Variants in PIEZO2 observed in about 807,000 individuals in gnomAD.
The protein encoded by PIEZO2 is piezo-type mechanosensitive ion channel component 2.
A neutral mutation model predicts 337.3 loss-of-function variants in PIEZO2; 172 were observed. The ratio of observed to expected loss-of-function variants is 0.51; its 90% CI spans 0.45 to 0.58. The LOEUF (loss-of-function observed/expected upper bound fraction) is 0.58. Among genes scored for constraint, PIEZO2 ranks in the 20% least tolerant of loss-of-function variants. PIEZO2 has a pLI of 0.00. For missense variants in PIEZO2, 3,028 were observed against 3,391.3 expected (o/e 0.89, Z 2.66); for synonymous variants, 1,251 against 1,228.5 (o/e 1.02, Z -0.38).
chr18:10,770,950 T>C (rs550249081), intron 20 of PIEZO2, among the ~76,000 whole-genome samples: 5 of 152,220 alleles, frequency 3.3e-5, no homozygotes, highest in Middle Eastern at 3.4e-3. Flanking sequence ...AGGCTGGTCT[T>C]GAACTCTTGG....
Position 11,092,177 on chromosome 18 carries a change from C to A in PIEZO2, c.65-25955G>T, listed in dbSNP as rs151236333. On this transcript the variant is annotated intron_variant, in intron 1 of 55. Coordinates refer to ENST00000674853, the MANE Select transcript of PIEZO2 (RefSeq NM_001378183.1). This position sits in a 1 kb window ranked among gnomAD's most constrained non-coding sequence, Gnocchi z 4.5. ...AGATTAATGGAGCATAATTCTCGTC[C>A]AAGATCGAGAACACATCATTAGAAG... Among the ~76,000 whole-genome samples the A allele has an allele frequency of 6.6e-6, 1 of 152,096 alleles. No homozygotes were observed. The highest frequency in any genetic ancestry group is 2.1e-4 in the South Asian group (1 of 4,814).
At position 10,800,467 on chromosome 18, in the gene PIEZO2, C is replaced by T. The variant is rs1222913932; in HGVS notation, c.1248G>A (p.Leu416=). 3 of 1,530,036 alleles carry T rather than the reference C, an allele frequency of 2.0e-6. No homozygotes were observed. The highest frequency in any genetic ancestry group is 2.6e-6 in the Non-Finnish European group (3 of 1,143,952). 94.8% of individuals were successfully genotyped at this position (1,530,036 alleles called of 1,614,324 possible). A position where few individuals can be genotyped will look rare whatever the true frequency, so the allele number is the denominator to read the frequency against. The change falls in exon 11 of 56, where the codon CTG becomes CTA. Residue 416 remains leucine (L), a synonymous_variant. Coordinates refer to ENST00000674853, the MANE Select transcript of PIEZO2 (RefSeq NM_001378183.1). ...QDDYKPSDGL[L]VTVNGNPVDY... ...CCACGGGGTTGCCGTTCACAGTCACCAGCAGGCCCTGCCGGGAGTGCAGAG... is the reference window on the plus strand; with the variant it reads ...CCACGGGGTTGCCGTTCACAGTCACTAGCAGGCCCTGCCGGGAGTGCAGAG...
At chr18:10,882,258 C>T (rs2042441546) in intron 4 of PIEZO2, among the ~76,000 whole-genome samples, 1 of 152,092 alleles carries the variant, frequency 6.6e-6, no homozygotes, top group Non-Finnish European at 1.5e-5. Flanking sequence ...CCTGAAATCC[C>T]CTCAGAAATA....
Position 10,746,625 on chromosome 18 carries a change from C to T in PIEZO2, c.4424+1846G>A, listed in dbSNP as rs187223985. ...GTGGAAATCCTGACTCCCAAGGTGA[C>T]GGACAGGAGGTAAGGCCTTTTGGAG... is the stretch of plus-strand genomic sequence containing the variant. On this transcript the variant is annotated intron_variant, in intron 30 of 55. Transcript: ENST00000674853. The surrounding 1 kb of genome is among the most constrained non-coding windows in gnomAD (Gnocchi z 4.2). Among the ~76,000 whole-genome samples, 5 of 152,148 alleles carry T rather than the reference C, an allele frequency of 3.3e-5. No homozygotes were observed. Among genetic ancestry groups the T allele is most frequent in the East Asian group, 1.9e-4 (1 of 5,192 alleles).
intron 5 of PIEZO2, among the ~76,000 whole-genome samples, chr18:10,860,267 C>T (rs188999531): frequency 1.6e-4 from 24 of 152,288 alleles, no homozygotes; most frequent in Admixed American, 1.6e-3. Flanking sequence ...CCTCGAGGTG[C>T]TGCTGCCCCT....
rs9960693 is a variant in PIEZO2 at position 11,115,648 on chromosome 18, T to C, written c.64+32877A>G. On this transcript the variant is annotated intron_variant, in intron 1 of 55. Coordinates refer to ENST00000674853, the MANE Select transcript of PIEZO2 (RefSeq NM_001378183.1). Reference sequence around the variant, plus strand: ...AAAACATTTATGAATATGGAGAACATATGTAACCTTCAGAGTCCAAAATAC... The same window carrying C: ...AAAACATTTATGAATATGGAGAACACATGTAACCTTCAGAGTCCAAAATAC... 7.1e-3 allele frequency among the ~76,000 whole-genome samples: 1,084 copies of C among 152,310 alleles called. 13 individuals carry two copies. The highest frequency in any genetic ancestry group is 0.024 in the African/African-American group (1,010 of 41,570).
Position 10,847,794 on chromosome 18 carries a change from C to A in PIEZO2, c.917+7559G>T, listed in dbSNP as rs2041412559. Among the ~76,000 whole-genome samples, 1 of 152,122 alleles carries A rather than the reference C, an allele frequency of 6.6e-6. No individual in the cohort carries two copies. Among genetic ancestry groups the A allele is most frequent in the African/African-American group, 2.4e-5 (1 of 41,418 alleles). On this transcript the variant is annotated intron_variant, in intron 7 of 55. Coordinates refer to ENST00000674853, the MANE Select transcript of PIEZO2 (RefSeq NM_001378183.1). This position sits in a 1 kb window ranked among gnomAD's most constrained non-coding sequence, Gnocchi z 5.7. ...CATTAAGCATCTTTTCAAAATGAAA[C>A]CTACACTTGTTTATCATGTATCATC...
At chr18:11,040,163 G>T in intron 2 of PIEZO2, among the ~76,000 whole-genome samples, 1 of 150,476 alleles carries the variant, frequency 6.6e-6, no homozygotes, top group Admixed American at 6.6e-5. Flanking sequence ...AGAATTTTCA[G>T]TAGTTGCTCT....
rs1478359941 is a variant in PIEZO2, at chr18:10,707,718, G to A, written c.5588+557C>T. ...AATAAAAGTTATAGGCTACAAAGAT[G>A]ATGCATTCTGCTGCATAATATTCTT... is the stretch of plus-strand genomic sequence containing the variant. On this transcript the variant is annotated intron_variant, in intron 40 of 55. Transcript: ENST00000674853. This position sits in a 1 kb window ranked among gnomAD's most constrained non-coding sequence, Gnocchi z 4.2. 6.6e-6 allele frequency among the ~76,000 whole-genome samples: 1 copy of A among 152,230 alleles called. No individual in the cohort carries two copies. Among genetic ancestry groups the A allele is most frequent in the African/African-American group, 2.4e-5 (1 of 41,456 alleles).
chr18:10,742,659 T>G, intron 31 of PIEZO2, 44 bp from the exon 32 acceptor site: 1 of 1,532,678 alleles, frequency 6.5e-7, no homozygotes, highest in Non-Finnish European at 8.7e-7. Flanking sequence ...ACATATTCAT[T>G]GTTCTCATGT....
chr18:10,778,402 G>A (rs973306907), intron 18 of PIEZO2, among the ~76,000 whole-genome samples: 5 of 140,838 alleles, frequency 3.6e-5, no homozygotes, highest in East Asian at 4.3e-4. Context: ...GCACCATCCC[G>A]GCTCACTGCA....
rs979666750 is a variant in PIEZO2, at chr18:11,032,774, C to T, written c.160+33353G>A. Among the ~76,000 whole-genome samples, 15 of 152,322 alleles carry T rather than the reference C, an allele frequency of 9.8e-5. 1 individual carries two copies. The East Asian group carries it at 2.3e-3, about 23-fold the overall frequency. ...TTTTCTAGACAAAGGACATGTTTCC[C>T]AACAACTGCCCTTAAAAGCTTTTGA... On this transcript the variant is annotated intron_variant, in intron 2 of 55. Coordinates refer to ENST00000674853, the MANE Select transcript of PIEZO2 (RefSeq NM_001378183.1). The surrounding 1 kb of genome is among the most constrained non-coding windows in gnomAD (Gnocchi z 4.9).
chr18:10,699,719 A>G (rs548344437), intron 43 of PIEZO2, among the ~76,000 whole-genome samples: 7 of 151,922 alleles, frequency 4.6e-5, no homozygotes, highest in African/African-American at 1.7e-4. Flanking sequence ...AGATAATAAG[A>G]TTTTAGCTGA....
At chr18:10,745,097 G>C (rs2037371222) in intron 30 of PIEZO2, among the ~76,000 whole-genome samples, 2 of 151,916 alleles carry the variant, frequency 1.3e-5, no homozygotes, top group South Asian at 4.2e-4. Flanking sequence ...TTCCCAGAGG[G>C]AACACAAATC....
At position 10,773,481 on chromosome 18, in the gene PIEZO2, T is replaced by C; in HGVS notation, c.2716A>G (p.Lys906Glu). 2.0e-6 allele frequency: 3 copies of C among 1,537,448 alleles called. No individual in the cohort carries two copies. Among genetic ancestry groups the C allele is most frequent in the Non-Finnish European group, 2.6e-6 (3 of 1,146,958 alleles). The change falls in exon 20 of 56, where the codon AAA becomes GAA. Residue 906 changes from lysine (K) to glutamate (E), a missense_variant. Around this residue, in one of 5 missense-constraint regions of PIEZO2, gnomAD observed 1,925 missense variants for 2,051.9 expected, o/e 0.94. Coordinates refer to ENST00000674853, the MANE Select transcript of PIEZO2 (RefSeq NM_001378183.1). The surrounding 1 kb of genome is among the most constrained non-coding windows in gnomAD (Gnocchi z 5.3). ...SEKAQKGDLG[K>E]DSEESEEDGE... ...TCCTCCTCTGACTCCTCGCTGTCTT[T>C]CCCAAGATCACCCTTCTGGGCTTTT...
rs193117644 is a variant in PIEZO2 at position 10,894,233 on chromosome 18, A to T, written c.329+16953T>A. 2.1e-4 allele frequency among the ~76,000 whole-genome samples: 32 copies of T among 152,226 alleles called. No individual in the cohort carries two copies. In the Middle Eastern group the frequency reaches 0.014, roughly 65 times the overall value. On this transcript the variant is annotated intron_variant, in intron 4 of 55. Coordinates refer to ENST00000674853, the MANE Select transcript of PIEZO2 (RefSeq NM_001378183.1). This position sits in a 1 kb window ranked among gnomAD's most constrained non-coding sequence, Gnocchi z 4.1. ...TCTGGAAGGCCGATGGGGGCGGATC[A>T]CCTGAGGTCAGGAGTTGAGACCAGC...
intron 39 of PIEZO2, among the ~76,000 whole-genome samples, chr18:10,710,604 T>C (rs1189826642): frequency 6.6e-6 from 1 of 152,234 alleles, no homozygotes; most frequent in East Asian, 1.9e-4. Context: ...ACAAATCCAC[T>C]TGTTAGGATC....
Position 10,762,645 on chromosome 18 carries a change from G to C in PIEZO2, c.3124-20C>G. On this transcript the variant is annotated intron_variant, in intron 22 of 55. Transcript: ENST00000674853. ...ATTTGGCTAAAAAGAAGAGAAAATG[G>C]AGTAAAAAAAAATAGCTCCACAGAT... The C allele has an allele frequency of 6.5e-7, 1 of 1,529,374 alleles. No homozygotes were observed. The highest frequency in any genetic ancestry group is 8.7e-7 in the Non-Finnish European group (1 of 1,144,806). The allele number at this position is 1,529,374 out of a possible 1,614,324, so 94.7% of individuals were successfully genotyped here.
In PIEZO2 at chr18:10,903,324, G is replaced by C. The variant is rs1372662862; in HGVS notation, c.329+7862C>G. ...GTGACATTTCTAGAAGCACATCTAA[G>C]CTTACCTTCTCTGGGGTTTACACCC... is the stretch of plus-strand genomic sequence containing the variant. On this transcript the variant is annotated intron_variant, in intron 4 of 55. Transcript: ENST00000674853. This position sits in a 1 kb window ranked among gnomAD's most constrained non-coding sequence, Gnocchi z 4.1. Among the ~76,000 whole-genome samples the C allele has an allele frequency of 6.6e-6, 1 of 152,072 alleles. No homozygotes were observed. Among genetic ancestry groups the C allele is most frequent in the Non-Finnish European group, 1.5e-5 (1 of 68,038 alleles).
Sources: gnomAD v4.1 joint callset for allele counts (sites outside exome capture counted in the v4.1 genomes callset) on GRCh38, gnomAD v4.1.1 for gene constraint, gnomAD v4.1.1 regional missense constraint, Gnocchi (gnomAD v3.1) non-coding constraint, MANE v1.5 for transcripts, NCBI Gene and HGNC (gene_info 2026-07-23, HGNC 2026-07-21) for gene names.